FLT3: variants seen among roughly 807,000 people sequenced by gnomAD.
FLT3 encodes receptor-type tyrosine-protein kinase FLT3.
A neutral mutation model predicts 126.6 loss-of-function variants in FLT3; 46 were observed. That is an observed-to-expected ratio of 0.36 (90% confidence interval 0.29 to 0.46). The LOEUF (loss-of-function observed/expected upper bound fraction) is 0.46. Among genes scored for constraint, FLT3 ranks in the 20% least tolerant of loss-of-function variants. The probability of loss-of-function intolerance (pLI) is 1.00; values close to 1 mark genes in which losing one functional copy is unlikely to be tolerated. For missense variants in FLT3, 1,069 were observed against 1,190.3 expected (o/e 0.90, Z 1.50); for synonymous variants, 404 against 434.4 (o/e 0.93, Z 0.87).
chr13:28,076,130 T>G (rs1260466735), intron 1 of FLT3, among the ~76,000 whole-genome samples: 1 of 152,202 alleles, frequency 6.6e-6, no homozygotes, highest in Admixed American at 6.5e-5. Flanking sequence ...CAATGCATTT[T>G]TAAAATATGA....
At chr13:28,054,136 C>A (rs1008392838) in intron 4 of FLT3, among the ~76,000 whole-genome samples, 12 of 152,138 alleles carry the variant, frequency 7.9e-5, no homozygotes, top group African/African-American at 2.7e-4. Context: ...ATGGTATGAG[C>A]ACATTCAGCC....
chr13:28,020,032 C>G (rs1027748974), intron 19 of FLT3, among the ~76,000 whole-genome samples: 2 of 152,194 alleles, frequency 1.3e-5, no homozygotes, highest in Admixed American at 6.5e-5. Flanking sequence ...GTCCAAGTGT[C>G]TGCTAGACCA....
chr13:28,005,385 G>T (rs896790837), intron 23 of FLT3, among the ~76,000 whole-genome samples: 1 of 152,138 alleles, frequency 6.6e-6, no homozygotes, highest in Non-Finnish European at 1.5e-5. Context: ...TAGACAGCTT[G>T]CTATGCACAC....
In FLT3 at chr13:28,006,306, TTGTGTGTG is replaced by T. The variant is rs4002773; in HGVS notation, c.2860-2140_2860-2133del. On this transcript the variant is annotated intron_variant, in intron 23 of 23. Coordinates refer to ENST00000241453, the MANE Select transcript of FLT3 (RefSeq NM_004119.3). ...ACACTTCACTTTTCTTTCTAGAAAA[TTGTGTGTG>T]TGTGTGTGTGTGTGTGTGTGTGTGT... Among the ~76,000 whole-genome samples, 191 of 146,982 alleles carry T rather than the reference TTGTGTGTG, an allele frequency of 1.3e-3. No individual in the cohort carries two copies. In the Middle Eastern group the frequency reaches 0.014, roughly 11 times the overall value.
At position 28,047,623 on chromosome 13, in the gene FLT3, G is replaced by A. The variant is rs1323133379; in HGVS notation, c.1205+652C>T. Among the ~76,000 whole-genome samples the A allele has an allele frequency of 3.3e-5, 5 of 150,042 alleles. No homozygotes were observed. In the East Asian group the frequency reaches 7.9e-4, roughly 24 times the overall value. The stretch of plus-strand genomic sequence containing the variant: ...GCTACTTGGGAGGCTGAGGTGGGAG[G>A]ATCACTTGAGCCTGGGAGGTGGAGG... On this transcript the variant is annotated intron_variant, in intron 9 of 23. Coordinates refer to ENST00000241453, the MANE Select transcript of FLT3 (RefSeq NM_004119.3).
intron 1 of FLT3, among the ~76,000 whole-genome samples, chr13:28,078,242 C>A (rs368513243): frequency 4.6e-5 from 7 of 152,230 alleles, no homozygotes; most frequent in Admixed American, 3.9e-4. Flanking sequence ...CCACACTACC[C>A]TAGCAGAGGT....
intron 1 of FLT3, among the ~76,000 whole-genome samples, chr13:28,089,052 C>T (rs1878865212): frequency 1.3e-5 from 2 of 152,156 alleles, no homozygotes; most frequent in African/African-American, 4.8e-5. Flanking sequence ...TTGGGAGACA[C>T]TTCACCAAAC....
chr13:28,091,253 G>A lies in FLT3; in HGVS notation c.43+9215C>T, dbSNP rs1188024107. On this transcript the variant is annotated intron_variant, in intron 1 of 23. Transcript: ENST00000241453. Reference sequence around the variant, plus strand: ...TTTTTTTTTTTTGAGACGGAGTCTCGCTCTGTCGCCCAGGCTGGAGTGCAG... The same window carrying A: ...TTTTTTTTTTTTGAGACGGAGTCTCACTCTGTCGCCCAGGCTGGAGTGCAG... Among the ~76,000 whole-genome samples the A allele has an allele frequency of 1.2e-3, 125 of 101,302 alleles. 1 individual carries two copies. The highest frequency in any genetic ancestry group is 4.1e-3 in the African/African-American group (97 of 23,888). The allele number at this position is 101,302 out of a possible 152,430, so 66.5% of individuals were successfully genotyped here. A position where few individuals can be genotyped will look rare whatever the true frequency, so the allele number is the denominator to read the frequency against.
At chr13:28,046,286 T>C (rs1419028119) in intron 9 of FLT3, among the ~76,000 whole-genome samples, 2 of 152,194 alleles carry the variant, frequency 1.3e-5, no homozygotes, top group Non-Finnish European at 2.9e-5. Flanking sequence ...GCACTGAGAT[T>C]CTAAAAGTCC....
intron 18 of FLT3, among the ~76,000 whole-genome samples, chr13:28,024,384 C>T (rs552659949): frequency 2.0e-4 from 30 of 152,266 alleles, no homozygotes; most frequent in South Asian, 2.1e-4. Context: ...CTGCCTGCCT[C>T]GGCCTCCCAA....
chr13:28,042,770 G>A (rs1370657116), intron 9 of FLT3, among the ~76,000 whole-genome samples: 1 of 152,020 alleles, frequency 6.6e-6, no homozygotes, highest in Non-Finnish European at 1.5e-5. Context: ...GAAGTGAATG[G>A]GAACGGCATT....
At chr13:28,065,704 T>C (rs1876963202) in intron 2 of FLT3, among the ~76,000 whole-genome samples, 1 of 146,542 alleles carries the variant, frequency 6.8e-6, no homozygotes, top group Admixed American at 6.9e-5. Flanking sequence ...GGCTCACGCC[T>C]GTAATCCCAG....
chr13:28,019,046 C>A (rs1008284154), intron 19 of FLT3, among the ~76,000 whole-genome samples: 4 of 150,808 alleles, frequency 2.7e-5, no homozygotes, highest in Admixed American at 2.0e-4. Context: ...CGGCTCACTG[C>A]AACCTCTGCG....
intron 1 of FLT3, among the ~76,000 whole-genome samples, chr13:28,076,238 C>T (rs899069816): frequency 1.3e-5 from 2 of 152,128 alleles, no homozygotes; most frequent in Non-Finnish European, 2.9e-5. Flanking sequence ...AAAACATAAT[C>T]AAATGCTGAC....
chr13:28,079,610 G>C (rs1257467949), intron 1 of FLT3, among the ~76,000 whole-genome samples: 1 of 152,188 alleles, frequency 6.6e-6, no homozygotes, highest in Non-Finnish European at 1.5e-5. Flanking sequence ...TGGCTGGGAG[G>C]CTTCAAAATC....
chr13:28,004,970 A>C (rs1222321056), intron 23 of FLT3, among the ~76,000 whole-genome samples: 1 of 152,176 alleles, frequency 6.6e-6, no homozygotes, highest in African/African-American at 2.4e-5. Context: ...AAATGAAGAG[A>C]TTTACTTTCC....
chr13:28,023,584 A>C (rs1872579347), intron 18 of FLT3, 107 bp from the exon 19 acceptor site: 1 of 1,217,492 alleles, frequency 8.2e-7, no homozygotes, highest in East Asian at 2.3e-5. Context: ...GTGCTAAGAC[A>C]TGAAGCTATC....
intron 1 of FLT3, among the ~76,000 whole-genome samples, chr13:28,085,055 A>G (rs1878570494): frequency 6.6e-6 from 1 of 151,986 alleles, no homozygotes; most frequent in Non-Finnish European, 1.5e-5. Context: ...GCACCTGAAA[A>G]GATGTGCAAG....
intron 1 of FLT3, among the ~76,000 whole-genome samples, chr13:28,094,942 T>TAACTAA (rs1879362860): frequency 6.6e-6 from 1 of 152,182 alleles, no homozygotes; most frequent in African/African-American, 2.4e-5. Flanking sequence ...CCATAGAAAG[T>TAACTAA]ATCAACCAAG....
Sources: gnomAD v4.1 joint callset for allele counts (sites outside exome capture counted in the v4.1 genomes callset) on GRCh38, gnomAD v4.1.1 for gene constraint, MANE v1.5 for transcripts, NCBI Gene and HGNC (gene_info 2026-07-23, HGNC 2026-07-21) for gene names.